The following ANOS1 variants were observed in gnomAD, a reference collection of about 807,000 sequenced individuals.
ANOS1 encodes the protein anosmin-1.
In ANOS1, 6 loss-of-function variants were observed where a neutral mutation model predicts 59.0. That is an observed-to-expected ratio of 0.10 (90% confidence interval 0.06 to 0.20). The LOEUF (loss-of-function observed/expected upper bound fraction) is 0.20. ANOS1 is among the 10% of genes least tolerant of loss of function. The probability of loss-of-function intolerance (pLI) is 1.00; values close to 1 mark genes in which losing one functional copy is unlikely to be tolerated. For missense variants in ANOS1, 433 were observed against 542.3 expected, an observed-to-expected ratio of 0.80 and a Z score of 2.00; for synonymous variants, 217 against 223.4, an observed-to-expected ratio of 0.97 and a Z score of 0.25.
intron 4 of ANOS1, among the ~76,000 whole-genome samples, chrX:8,593,135 G>A: frequency 9.0e-6 from 1 of 111,550 alleles, no homozygotes; most frequent in Admixed American, 9.5e-5. Context: ...ATATACAGAG[G>A]TTGGTAAATG....
At chrX:8,681,109 C>T (rs1932418409) in intron 2 of ANOS1, among the ~76,000 whole-genome samples, 1 of 111,833 alleles carries the variant, frequency 8.9e-6, no homozygotes, top group South Asian at 3.8e-4. Context: ...TGTCTATTCT[C>T]CTCTCCACAA....
chrX:8,601,100 G>A (rs1930833782), intron 3 of ANOS1, among the ~76,000 whole-genome samples: 1 of 107,509 alleles, frequency 9.3e-6, no homozygotes, highest in Admixed American at 1.0e-4. Context: ...GGCTGAGGCA[G>A]GAGAATGGCA....
intron 1 of ANOS1, among the ~76,000 whole-genome samples, chrX:8,706,839 C>T (rs769331032): frequency 2.7e-5 from 3 of 112,274 alleles, no homozygotes; most frequent in Admixed American, 1.9e-4. Context: ...AGAAAAAAGT[C>T]TCTCTGTATT....
chrX:8,586,954 GA>G (rs745385907), intron 5 of ANOS1, among the ~76,000 whole-genome samples: 10,854 of 91,269 alleles, frequency 0.12, 1,145 homozygotes, highest in African/African-American at 0.34. Flanking sequence ...TACATTTACT[GA>G]AAAAAAAAAA....
chrX:8,568,467 T>G lies in ANOS1; in HGVS notation c.1063-91A>C. Reference sequence around the variant, plus strand: ...AAATCTCGTGTGTCATTATGAAGCATGCCAACTTCTGATTTCTTTTACCAA... The same window carrying G: ...AAATCTCGTGTGTCATTATGAAGCAGGCCAACTTCTGATTTCTTTTACCAA... On this transcript the variant is annotated intron_variant, in intron 7 of 13. Transcript: ENST00000262648. 5 of 825,716 alleles carry G rather than the reference T, an allele frequency of 6.1e-6. 1 individual carries two copies. The South Asian group carries it at 1.1e-4, about 18-fold the overall frequency. 68.0% of individuals were successfully genotyped at this position (825,716 alleles called of 1,213,427 possible). A position where few individuals can be genotyped will look rare whatever the true frequency, so the allele number is the denominator to read the frequency against.
In ANOS1 at chrX:8,558,652, T is replaced by C. The variant is rs754152607; in HGVS notation, c.1208-4554A>G. On this transcript the variant is annotated intron_variant, in intron 8 of 13. Coordinates refer to ENST00000262648, the MANE Select transcript of ANOS1 (RefSeq NM_000216.4). ...CCATTTCGTGAAAAAAGTAGATAGG[T>C]TTTCGTGGAAAACCTATACGTAATG... 5.4e-5 allele frequency among the ~76,000 whole-genome samples: 6 copies of C among 110,216 alleles called. No homozygotes were observed. The South Asian group carries it at 2.3e-3, about 43-fold the overall frequency.
intron 11 of ANOS1, 88 bp from the exon 12 acceptor site, chrX:8,535,899 T>C (rs1021232286): frequency 2.1e-5 from 15 of 707,884 alleles, no homozygotes; most frequent in Non-Finnish European, 2.9e-5. Flanking sequence ...CAGCGGCCAG[T>C]CTATGGGATG....
At chrX:8,562,600 A>G (rs1930051469) in intron 8 of ANOS1, among the ~76,000 whole-genome samples, 1 of 112,550 alleles carries the variant, frequency 8.9e-6, no homozygotes, top group South Asian at 3.7e-4. Context: ...TTTATAGATC[A>G]TCAAGAGATT....
intron 2 of ANOS1, among the ~76,000 whole-genome samples, chrX:8,624,161 G>T (rs960314224): frequency 1.9e-4 from 21 of 107,718 alleles, no homozygotes; most frequent in African/African-American, 7.1e-4. Flanking sequence ...GATTACAGGC[G>T]CCTGCCACCA....
At chrX:8,637,266 T>C (rs1055198535) in intron 2 of ANOS1, among the ~76,000 whole-genome samples, 17 of 112,105 alleles carry the variant, frequency 1.5e-4, no homozygotes, top group African/African-American at 5.5e-4. Flanking sequence ...CAAATGTCAG[T>C]TTCTTGTGCT....
chrX:8,579,518 C>T (rs180736493), intron 6 of ANOS1, among the ~76,000 whole-genome samples: 2 of 111,837 alleles, frequency 1.8e-5, no homozygotes, highest in African/African-American at 3.3e-5. Flanking sequence ...TATTTTAAAC[C>T]GTAATTCAAA....
chrX:8,598,447 CA>C (rs1930782293), intron 3 of ANOS1, among the ~76,000 whole-genome samples: 1 of 111,977 alleles, frequency 8.9e-6, no homozygotes, highest in Non-Finnish European at 1.9e-5. Flanking sequence ...TCTTTTCTGC[CA>C]CTGAACAGAG....
chrX:8,705,921 C>T (rs1932777106), intron 1 of ANOS1, among the ~76,000 whole-genome samples: 1 of 112,248 alleles, frequency 8.9e-6, no homozygotes, highest in Non-Finnish European at 1.9e-5. Flanking sequence ...AGATTACATC[C>T]TGTATTTTAT....
chrX:8,594,698 A>G (rs867949501), intron 4 of ANOS1, among the ~76,000 whole-genome samples: 2 of 49,007 alleles, frequency 4.1e-5, no homozygotes, highest in Non-Finnish European at 7.2e-5. Context: ...ATATATATAT[A>G]CACATATATA....
At position 8,530,871 on chromosome X, in the gene ANOS1, T is replaced by C. The variant is rs1929487945; in HGVS notation, c.*2124A>G. ...AATGGATAGCTAATAATGAAAAATT[T>C]TAATTTTTGAAATTTTAAGAACTTG... is the stretch of plus-strand genomic sequence containing the variant. On this transcript the variant is annotated 3_prime_UTR_variant, in exon 14 of 14. Transcript: ENST00000262648. 1 of 111,203 alleles carries C rather than the reference T, an allele frequency of 9.0e-6. No homozygotes were observed. The highest frequency in any genetic ancestry group is 9.6e-5 in the Admixed American group (1 of 10,369). 9.2% of individuals were successfully genotyped at this position (111,203 alleles called of 1,213,427 possible).
In ANOS1 at chrX:8,666,188, C is replaced by A. The variant is rs762200755; in HGVS notation, c.255+33510G>T. 2.7e-5 allele frequency among the ~76,000 whole-genome samples: 3 copies of A among 111,194 alleles called. No homozygotes were observed. In the South Asian group the frequency reaches 1.2e-3, roughly 43 times the overall value. Reference sequence around the variant, plus strand: ...TCTAGCCCAGGTGACAGAGCAACAACCTGTCTCTAAAAACAAATATGATAC... The same window carrying A: ...TCTAGCCCAGGTGACAGAGCAACAAACTGTCTCTAAAAACAAATATGATAC... On this transcript the variant is annotated intron_variant, in intron 2 of 13. Transcript: ENST00000262648.
chrX:8,665,922 C>G (rs1416351067), intron 2 of ANOS1, among the ~76,000 whole-genome samples: 1 of 112,018 alleles, frequency 8.9e-6, no homozygotes. Flanking sequence ...AAGAGAAAGA[C>G]CAGACTTGGT....
chrX:8,534,561 T>C (rs1929558129), intron 12 of ANOS1, 101 bp from the exon 13 acceptor site: 2 of 862,557 alleles, frequency 2.3e-6, no homozygotes, highest in African/African-American at 4.0e-5. Context: ...CTGGAGAATA[T>C]CATACACAGG....
intron 6 of ANOS1, among the ~76,000 whole-genome samples, chrX:8,571,255 C>T (rs1930228451): frequency 1.8e-5 from 2 of 111,243 alleles, no homozygotes; most frequent in Admixed American, 9.6e-5. Flanking sequence ...ACAGAAGGAT[C>T]GTTTTAGGCA....
Sources: allele counts gnomAD v4.1 joint callset (sites outside exome capture counted in the v4.1 genomes callset), GRCh38; gene constraint gnomAD v4.1.1; transcripts MANE v1.5; gene names NCBI Gene and HGNC (gene_info 2026-07-23, HGNC 2026-07-21).